The following SATB1 variants were observed in gnomAD, a reference collection of about 807,000 sequenced individuals.
SATB1 encodes the protein SATB homeobox 1, also known as DNA-binding protein SATB1.
A neutral mutation model predicts 86.9 loss-of-function variants in SATB1; 11 were observed. The ratio of observed to expected loss-of-function variants is 0.13; its 90% CI spans 0.08 to 0.21. The LOEUF (loss-of-function observed/expected upper bound fraction) is 0.21. SATB1 is among the 10% of genes least tolerant of loss of function. The pLI, the probability that SATB1 is intolerant of heterozygous loss-of-function variation, is 1.00. For synonymous variants in SATB1, 357 were observed against 357.2 expected, an observed-to-expected ratio of 1.00 and a Z score of 0.01; for missense variants, 551 against 937.6, an observed-to-expected ratio of 0.59 and a Z score of 5.39.
At chr3:18,440,198 T>G (rs912213463), upstream of SATB1, among the ~76,000 whole-genome samples, 1 of 152,204 alleles carries the variant, frequency 6.6e-6, no homozygotes, top group Non-Finnish European at 1.5e-5. Context: ...ATCCTGAGGT[T>G]GCTTTAAGAT....
At chr3:18,355,862 A>ATT (rs1694606456) in intron 9 of SATB1, among the ~76,000 whole-genome samples, 1 of 152,010 alleles carries the variant, frequency 6.6e-6, no homozygotes, top group South Asian at 2.1e-4. Context: ...GGTACAAGGA[A>ATT]CAACCTAAAC....
intron 5 of SATB1, among the ~76,000 whole-genome samples, chr3:18,407,956 T>A (rs901016274): frequency 6.6e-6 from 1 of 151,976 alleles, no homozygotes; most frequent in African/African-American, 2.4e-5. Context: ...GACAGTAAAA[T>A]GGGACAAGCC....
chr3:18,358,274 G>A (rs1410885767), intron 9 of SATB1, among the ~76,000 whole-genome samples: 1 of 151,922 alleles, frequency 6.6e-6, no homozygotes, highest in Non-Finnish European at 1.5e-5. Flanking sequence ...CTTGTCTTAA[G>A]ATATTGTTCT....
intron 7 of SATB1, among the ~76,000 whole-genome samples, chr3:18,392,758 T>C (rs1463303335): frequency 6.6e-6 from 1 of 152,022 alleles, no homozygotes; most frequent in Non-Finnish European, 1.5e-5. Context: ...AAATAAAGAA[T>C]GCTACCAGAA....
At chr3:18,404,161 C>G (rs1575148233) in intron 5 of SATB1, among the ~76,000 whole-genome samples, 1 of 152,120 alleles carries the variant, frequency 6.6e-6, no homozygotes, top group Middle Eastern at 3.4e-3. Flanking sequence ...TAGTTCCCAT[C>G]TGGTATTTTG....
intron 5 of SATB1, among the ~76,000 whole-genome samples, chr3:18,413,095 C>A (rs556931318): frequency 1.3e-5 from 2 of 152,048 alleles, no homozygotes; most frequent in South Asian, 2.1e-4. Context: ...AGGTATCCAG[C>A]CACAGGAAGC....
chr3:18,402,972 C>T (rs576621558), intron 5 of SATB1, among the ~76,000 whole-genome samples: 129 of 152,216 alleles, frequency 8.5e-4, no homozygotes, highest in South Asian at 2.1e-4. Context: ...TTTCTGTAAA[C>T]ACCCAAGATG....
At chr3:18,434,039 T>A (rs1029037806) in intron 2 of SATB1, among the ~76,000 whole-genome samples, 7 of 152,090 alleles carry the variant, frequency 4.6e-5, no homozygotes, top group Admixed American at 2.6e-4. Context: ...TGAAAAATTT[T>A]GATGGAAACC....
chr3:18,427,484 TTAAAC>T (rs777376549), upstream of SATB1, among the ~76,000 whole-genome samples: 6 of 152,078 alleles, frequency 3.9e-5, no homozygotes, highest in Non-Finnish European at 8.8e-5. Flanking sequence ...AAAATAAAAT[TTAAAC>T]TAAGAGAAAA....
At chr3:18,363,662 G>C (rs1484312678) in intron 9 of SATB1, among the ~76,000 whole-genome samples, 1 of 152,126 alleles carries the variant, frequency 6.6e-6, no homozygotes, top group Admixed American at 6.6e-5. Context: ...TGGCATTTGT[G>C]AGGGTAATAT....
At chr3:18,359,166 C>T (rs187537888) in intron 9 of SATB1, among the ~76,000 whole-genome samples, 1 of 151,968 alleles carries the variant, frequency 6.6e-6, no homozygotes, top group Admixed American at 6.6e-5. Context: ...TTTATGTTTA[C>T]CTCTTCTCTA....
At chr3:18,437,205 T>A (rs1042615956) in intron 1 of SATB1, among the ~76,000 whole-genome samples, 4 of 152,094 alleles carry the variant, frequency 2.6e-5, no homozygotes, top group African/African-American at 9.7e-5. Context: ...TAATGGATTA[T>A]GTTGGCCGAA....
intron 10 of SATB1, chr3:18,350,958 A>G (rs1293771326): frequency 3.2e-6 from 1 of 308,086 alleles, no homozygotes; most frequent in African/African-American, 2.2e-5. Flanking sequence ...AGGCAGTGGC[A>G]TTTTACTTTA....
At chr3:18,432,416 G>A (rs1241452834) in intron 2 of SATB1, among the ~76,000 whole-genome samples, 2 of 152,092 alleles carry the variant, frequency 1.3e-5, no homozygotes, top group African/African-American at 4.8e-5. Context: ...AAGAATTCGC[G>A]ATAACAATGG....
chr3:18,430,568 TC>T (rs2125194000), intron 2 of SATB1, among the ~76,000 whole-genome samples: 1 of 152,128 alleles, frequency 6.6e-6, no homozygotes, highest in East Asian at 1.9e-4. Flanking sequence ...TAGAAATGCC[TC>T]TCTGGAAGCA....
In SATB1 at chr3:18,417,055, C is replaced by A. The variant is rs778619368; in HGVS notation, c.235G>T (p.Val79Leu). The A allele has an allele frequency of 6.2e-7, 1 of 1,612,948 alleles. No homozygotes were observed. The highest frequency in any genetic ancestry group is 1.3e-5 in the African/African-American group (1 of 74,948). Residue 79 changes from valine to leucine, a missense_variant, in exon 3 of 11, where the codon GTG becomes TTG. By Grantham distance (32) the Val-to-Leu change is conservative. Around this residue, in one of 8 missense-constraint regions of SATB1, gnomAD observed 153 missense variants for 258.1 expected, o/e 0.59. Transcript: ENST00000338745. Reference sequence around the variant, plus strand: ...ATGGCGTTTTCATAATGTTCCACCACACAGAAAACTGGCAGCATGGTTCCT... The same window carrying A: ...ATGGCGTTTTCATAATGTTCCACCAAACAGAAAACTGGCAGCATGGTTCCT... Reference protein sequence around the residue: ...RKGTMLPVFCVVEHYENAIEY... With the variant: ...RKGTMLPVFCLVEHYENAIEY...
chr3:18,402,398 T>A (rs772876203), intron 5 of SATB1, among the ~76,000 whole-genome samples: 5 of 152,090 alleles, frequency 3.3e-5, no homozygotes, highest in Non-Finnish European at 5.9e-5. Context: ...AAACCAAAAC[T>A]GTTCATGCTT....
chr3:18,445,095 A>T, intron 1 of SATB1: 2 of 510,292 alleles, frequency 3.9e-6, no homozygotes, highest in South Asian at 1.7e-4. Flanking sequence ...CGGACCGGGC[A>T]CGCTGCGCCC....
At chr3:18,411,997 G>A (rs1196162897) in intron 5 of SATB1, among the ~76,000 whole-genome samples, 1 of 151,380 alleles carries the variant, frequency 6.6e-6, no homozygotes, top group Non-Finnish European at 1.5e-5. Flanking sequence ...TTTTGAAACG[G>A]AGTCTCGTTC....
Sources: gnomAD v4.1 joint callset for allele counts (sites outside exome capture counted in the v4.1 genomes callset) on GRCh38, gnomAD v4.1.1 for gene constraint, gnomAD v4.1.1 regional missense constraint, MANE v1.5 for transcripts, NCBI Gene and HGNC (gene_info 2026-07-23, HGNC 2026-07-21) for gene names.